The following NDRG3 variants were observed in gnomAD, a reference collection of about 807,000 sequenced individuals.
The protein encoded by NDRG3 is protein NDRG3.
Under a neutral mutation model 57.2 loss-of-function variants are expected in NDRG3, and 23 were observed. The ratio of observed to expected loss-of-function variants is 0.40; its 90% CI spans 0.29 to 0.57. NDRG3 has a LOEUF of 0.57. Ranked by LOEUF, NDRG3 falls within the 20% of genes least tolerant of loss-of-function variation. NDRG3 has a pLI of 0.42. For synonymous variants in NDRG3, 132 were observed against 162.6 expected, an observed-to-expected ratio of 0.81 and a Z score of 1.43; for missense variants, 384 against 457.3, an observed-to-expected ratio of 0.84 and a Z score of 1.46.
chr20:36,720,020 T>G (rs1984503074), intron 2 of NDRG3, among the ~76,000 whole-genome samples: 1 of 148,486 alleles, frequency 6.7e-6, no homozygotes, highest in African/African-American at 2.5e-5. Context: ...GGCAGAAGAA[T>G]CACTTGAAAC....
At chr20:36,660,449 C>A in intron 12 of NDRG3, 65 bp from the exon 13 acceptor site, 1 of 1,223,648 alleles carries the variant, frequency 8.2e-7, no homozygotes, top group Non-Finnish European at 1.2e-6. Context: ...CGAAATAGCT[C>A]GGTATGAGAA....
chr20:36,679,569 T>C (rs1263783488), intron 8 of NDRG3, among the ~76,000 whole-genome samples: 1 of 151,906 alleles, frequency 6.6e-6, no homozygotes, highest in African/African-American at 2.4e-5. Context: ...AATGGTGTGA[T>C]CTCAGCTCAC....
In NDRG3 at chr20:36,688,708, A is replaced by G; in HGVS notation, c.170T>C (p.Ile57Thr). ...GAGGCCAATGTCATGATATGTTAGT[A>G]TAACTGGTCTGTTTCCTTTGGGTAA... ...RGLPKGNRPV[I>T]LTYHDIGLNH... The change falls in exon 4 of 16, where the codon ATA (isoleucine) becomes ACA (threonine). Residue 57 changes from isoleucine to threonine, a missense_variant. Transcript: ENST00000349004. 6.2e-7 allele frequency: 1 copy of G among 1,613,700 alleles called. No homozygotes were observed. The highest frequency in any genetic ancestry group is 8.5e-7 in the Non-Finnish European group (1 of 1,179,560).
intron 1 of NDRG3, among the ~76,000 whole-genome samples, chr20:36,739,992 A>G (rs1332833718): frequency 6.6e-6 from 1 of 151,954 alleles, no homozygotes; most frequent in African/African-American, 2.4e-5. Flanking sequence ...AAGAGTGGCT[A>G]TATCCAGAAT....
At chr20:36,735,016 T>C (rs1985532258) in intron 1 of NDRG3, among the ~76,000 whole-genome samples, 1 of 151,984 alleles carries the variant, frequency 6.6e-6, no homozygotes, top group Non-Finnish European at 1.5e-5. Flanking sequence ...AAAGGGAGGA[T>C]AACTTAAAGG....
chr20:36,739,152 A>T (rs1408248516), intron 1 of NDRG3, among the ~76,000 whole-genome samples: 2 of 142,378 alleles, frequency 1.4e-5, no homozygotes, highest in Non-Finnish European at 3.1e-5. Flanking sequence ...AAAAAAAAAA[A>T]AAAAAAAAAA....
chr20:36,704,355 G>A lies in NDRG3; in HGVS notation c.93+2617C>T, dbSNP rs535724295. On this transcript the variant is annotated intron_variant, in intron 3 of 15. Coordinates refer to ENST00000349004, the MANE Select transcript of NDRG3 (RefSeq NM_032013.4). Reference sequence around the variant, plus strand: ...CTCCCAAAGTGCTGGGATTACAGGCGTTAGCCACCGCACCCCACTATATTC... The same window carrying A: ...CTCCCAAAGTGCTGGGATTACAGGCATTAGCCACCGCACCCCACTATATTC... 7.8e-4 allele frequency among the ~76,000 whole-genome samples: 118 copies of A among 152,236 alleles called. 1 individual carries two copies. Among genetic ancestry groups the A allele is most frequent in the African/African-American group, 2.6e-3 (110 of 41,528 alleles).
At chr20:36,732,429 T>C (rs527333226) in intron 1 of NDRG3, among the ~76,000 whole-genome samples, 3 of 152,318 alleles carry the variant, frequency 2.0e-5, no homozygotes, top group East Asian at 3.9e-4. Flanking sequence ...ATTCTTCCAG[T>C]AATGGAAAGA....
chr20:36,666,873 G>C (rs1236588025), intron 9 of NDRG3, among the ~76,000 whole-genome samples: 1 of 152,098 alleles, frequency 6.6e-6, no homozygotes, highest in African/African-American at 2.4e-5. Flanking sequence ...GTCTTGTTCA[G>C]TCACCCAGGC....
At chr20:36,658,458 A>G (rs1003305672) in intron 13 of NDRG3, among the ~76,000 whole-genome samples, 1 of 152,246 alleles carries the variant, frequency 6.6e-6, no homozygotes, top group East Asian at 1.9e-4. Flanking sequence ...CCTGGAGGGC[A>G]GAACATTTTG....
At chr20:36,735,603 A>C (rs1312021852) in intron 1 of NDRG3, among the ~76,000 whole-genome samples, 2 of 152,180 alleles carry the variant, frequency 1.3e-5, no homozygotes, top group African/African-American at 4.8e-5. Flanking sequence ...GAGTTTCCCA[A>C]GGGAAGGGAG....
At chr20:36,685,758 C>A (rs1981731634) in intron 5 of NDRG3, among the ~76,000 whole-genome samples, 1 of 152,176 alleles carries the variant, frequency 6.6e-6, no homozygotes. Context: ...CCTGTAATCC[C>A]AACACTTTCA....
intron 8 of NDRG3, among the ~76,000 whole-genome samples, chr20:36,673,014 C>A (rs1204600755): frequency 6.6e-6 from 1 of 152,024 alleles, no homozygotes; most frequent in Non-Finnish European, 1.5e-5. Flanking sequence ...CAGTTGTGCA[C>A]CACCACGCCA....
chr20:36,683,862 G>C (rs1177577833), intron 6 of NDRG3, among the ~76,000 whole-genome samples: 2 of 151,872 alleles, frequency 1.3e-5, no homozygotes, highest in Admixed American at 1.3e-4. Context: ...GCAGCATCCA[G>C]TACCATGCTA....
intron 2 of NDRG3, among the ~76,000 whole-genome samples, chr20:36,721,036 A>G (rs1243625686): frequency 1.3e-5 from 2 of 151,106 alleles, no homozygotes; most frequent in Non-Finnish European, 3.0e-5. Flanking sequence ...TTGGCCTCCC[A>G]AAGTGCTGGG....
At position 36,716,207 on chromosome 20, in the gene NDRG3, T is replaced by G. The variant is rs114007515; in HGVS notation, c.57+5472A>C. On this transcript the variant is annotated intron_variant, in intron 2 of 15. Coordinates refer to ENST00000349004, the MANE Select transcript of NDRG3 (RefSeq NM_032013.4). The stretch of plus-strand genomic sequence containing the variant: ...TCCTCTGCTTACATGTTGTGATTAG[T>G]AGAAAAGGAAAACTTAAACTGCAGT... Among the ~76,000 whole-genome samples the G allele has an allele frequency of 7.6e-3, 1,160 of 151,928 alleles. 15 individuals carry two copies. The highest frequency in any genetic ancestry group is 0.026 in the African/African-American group (1,092 of 41,438).
chr20:36,745,509 C>T (rs1361067205), intron 1 of NDRG3, among the ~76,000 whole-genome samples: 1 of 152,172 alleles, frequency 6.6e-6, no homozygotes, highest in Non-Finnish European at 1.5e-5. Flanking sequence ...CTTTCCGTGC[C>T]TCAGTTTCCT....
intron 1 of NDRG3, among the ~76,000 whole-genome samples, chr20:36,725,397 G>A (rs1469486716): frequency 6.6e-6 from 1 of 151,988 alleles, no homozygotes; most frequent in Admixed American, 6.6e-5. Context: ...ATCACCTGAG[G>A]TTCGAGACCA....
At chr20:36,685,405 G>T (rs1981696246) in intron 5 of NDRG3, among the ~76,000 whole-genome samples, 1 of 151,880 alleles carries the variant, frequency 6.6e-6, no homozygotes, top group South Asian at 2.1e-4. Context: ...TGAACTCCTG[G>T]GCTCAAGCTA....
Sources: allele counts gnomAD v4.1 joint callset (sites outside exome capture counted in the v4.1 genomes callset), GRCh38; gene constraint gnomAD v4.1.1; transcripts MANE v1.5; gene names NCBI Gene and HGNC (gene_info 2026-07-23, HGNC 2026-07-21).